Variants in ATP8B3 observed in about 807,000 individuals in gnomAD.
The protein encoded by ATP8B3 is ATPase phospholipid transporting 8B3.
A neutral mutation model predicts 140.9 loss-of-function variants in ATP8B3; 141 were observed. That is an observed-to-expected ratio of 1.00 (90% CI 0.87 to 1.15). The LOEUF is 1.15. Among genes scored for constraint, ATP8B3 ranks in the 50% most tolerant of loss-of-function variants. The pLI, the probability that ATP8B3 is intolerant of heterozygous loss-of-function variation, is 0.00. For missense variants in ATP8B3, 1,874 were observed against 1,740.6 expected (o/e 1.08, Z -1.36); for synonymous variants, 765 against 714.6 (o/e 1.07, Z -1.13).
chr19:1,792,430 A>G (rs561571140), intron 18 of ATP8B3, among the ~76,000 whole-genome samples: 1 of 151,146 alleles, frequency 6.6e-6, no homozygotes, highest in African/African-American at 2.4e-5. Context: ...AAATACAAAG[A>G]TTAGCCAGGC....
In ATP8B3 at chr19:1,809,618, G is replaced by A; in HGVS notation, c.402+25C>T. On this transcript the variant is annotated intron_variant, in intron 4 of 28. Transcript: ENST00000310127. ...GTACCACGGCAGCTCCTCTGGAGCAGGGAGGCGCGGGAGGGGCCGCCCACC... is the reference window on the plus strand; with the variant it reads ...GTACCACGGCAGCTCCTCTGGAGCAAGGAGGCGCGGGAGGGGCCGCCCACC... 2 of 1,575,192 alleles carry A rather than the reference G, an allele frequency of 1.3e-6. 1 individual carries two copies.
chr19:1,799,764 CA>C (rs752768896), intron 14 of ATP8B3, 182 bp downstream of exon 14: 79,343 of 458,930 alleles, frequency 0.17, no homozygotes, highest in South Asian at 0.26. Flanking sequence ...GACTCTGCCT[CA>C]AAAAAAAAAA....
At chr19:1,795,592 C>T (rs769499301) in intron 18 of ATP8B3, among the ~76,000 whole-genome samples, 1 of 151,914 alleles carries the variant, frequency 6.6e-6, no homozygotes. Flanking sequence ...AAGAAAAAGA[C>T]GCTCTCTCTC....
At chr19:1,803,376 C>A (rs1232170123) in intron 10 of ATP8B3, among the ~76,000 whole-genome samples, 3 of 152,190 alleles carry the variant, frequency 2.0e-5, no homozygotes, top group Admixed American at 2.0e-4. Context: ...GAATTGGAGA[C>A]GCTCATGGTG....
rs778518139 is a variant in ATP8B3 at position 1,785,307 on chromosome 19, C to G, written c.3394-10G>C. The G allele has an allele frequency of 3.2e-6, 5 of 1,583,582 alleles. No individual in the cohort carries two copies. The South Asian group carries it at 5.8e-5, about 18-fold the overall frequency. On this transcript the variant is annotated splice_polypyrimidine_tract_variant and intron_variant, in intron 26 of 28. Coordinates refer to ENST00000310127, the MANE Select transcript of ATP8B3 (RefSeq NM_138813.4). ...TGATGATAAGAATGACCTGGACAGG[C>G]AGCGGTGGGGTAAATCCGGGGCCTA...
chr19:1,790,971 A>G (rs905193923), intron 20 of ATP8B3, 139 bp from the exon 21 acceptor site: 4 of 723,042 alleles, frequency 5.5e-6, no homozygotes, highest in Admixed American at 5.3e-5. Flanking sequence ...TGATTGGTTC[A>G]GAGAAGGGCT....
At chr19:1,786,591 C>G (rs2068312156) in intron 25 of ATP8B3, among the ~76,000 whole-genome samples, 1 of 151,186 alleles carries the variant, frequency 6.6e-6, no homozygotes, top group Non-Finnish European at 1.5e-5. Flanking sequence ...AAGATTCTAG[C>G]AAACATGAAA....
In ATP8B3 at chr19:1,810,703, C is replaced by A; in HGVS notation, c.249-20G>T. 1 of 1,608,382 alleles carries A rather than the reference C, an allele frequency of 6.2e-7. No individual in the cohort carries two copies. The highest frequency in any genetic ancestry group is 2.2e-5 in the East Asian group (1 of 44,760). ...GTGGGGCTGTGGGAGAGAAGGGCCC[C>A]GGGTCACAGCAGTGACCCCAGCCCT... On this transcript the variant is annotated intron_variant, in intron 2 of 28. Coordinates refer to ENST00000310127, the MANE Select transcript of ATP8B3 (RefSeq NM_138813.4).
In ATP8B3 at chr19:1,808,427, C is replaced by T. The variant is rs559888897; in HGVS notation, c.403-92G>A. The T allele has an allele frequency of 4.2e-5, 36 of 854,050 alleles. No individual in the cohort carries two copies. The Middle Eastern group carries it at 1.5e-3, about 35-fold the overall frequency. The allele number at this position is 854,050 out of a possible 1,614,324, so 52.9% of individuals were successfully genotyped here. Reference sequence around the variant, plus strand: ...AGGCCAGACCTGCCTCACTTGGCCTCGCCCAGCATCCTCTGGGCTATGGGA... The same window carrying T: ...AGGCCAGACCTGCCTCACTTGGCCTTGCCCAGCATCCTCTGGGCTATGGGA... On this transcript the variant is annotated intron_variant, in intron 4 of 28. Transcript: ENST00000310127.
rs139063348 is a variant in ATP8B3, at chr19:1,807,112, A to AC, written c.615+55dup. 3,482 of 1,471,284 alleles carry AC rather than the reference A, an allele frequency of 2.4e-3. 62 individuals are homozygous for AC. In the African/African-American group the frequency reaches 0.044, roughly 19 times the overall value. 91.1% of individuals were successfully genotyped at this position (1,471,284 alleles called of 1,614,324 possible). A position where few individuals can be genotyped will look rare whatever the true frequency, so the allele number is the denominator to read the frequency against. ...CCCACTCTCGCCCAGGGATCAAGAGACCCCCCCGACCGGCCCCGCTCCCTC... is the reference window on the plus strand; with the variant it reads ...CCCACTCTCGCCCAGGGATCAAGAGACCCCCCCCGACCGGCCCCGCTCCCTC... On this transcript the variant is annotated intron_variant, in intron 6 of 28. Transcript: ENST00000310127. The surrounding 1 kb of genome is among the most constrained non-coding windows in gnomAD (Gnocchi z 5.9).
Position 1,795,970 on chromosome 19 carries a change from C to T in ATP8B3, c.1960G>A (p.Ala654Thr), listed in dbSNP as rs200693793. ...MSVLVRKPEGAICLYTKGADT... is the reference protein window; with the variant it reads ...MSVLVRKPEGTICLYTKGADT... Reference sequence around the variant, plus strand: ...GCGCCCTTGGTGTACAGGCAGATGGCGCCCTCTGGCTTTCGAACTGTGGGG... The same window carrying T: ...GCGCCCTTGGTGTACAGGCAGATGGTGCCCTCTGGCTTTCGAACTGTGGGG... The change falls in exon 18 of 29, where the codon GCC (alanine) becomes ACC (threonine). Residue 654 changes from alanine (A) to threonine (T), a missense_variant. Physicochemically the swap from Ala to Thr is moderately conservative, Grantham distance 58. This residue lies in a region of ATP8B3 where 1,032 missense variants were observed against 963.6 expected (regional missense o/e 1.07). Coordinates refer to ENST00000310127, the MANE Select transcript of ATP8B3 (RefSeq NM_138813.4). 129 of 1,613,114 alleles carry T rather than the reference C, an allele frequency of 8.0e-5. No homozygotes were observed. Among genetic ancestry groups the T allele is most frequent in the South Asian group, 3.5e-4 (32 of 91,092 alleles).
At position 1,789,943 on chromosome 19, in the gene ATP8B3, T is replaced by C. The variant is rs777157695; in HGVS notation, c.2425A>G (p.Arg809Gly). ...AGCTTGACCTGCGACAGGGACTCCCTGGTTAGAAGGTTGTTACTGTTTTCC... is the reference window on the plus strand; with the variant it reads ...AGCTTGACCTGCGACAGGGACTCCCCGGTTAGAAGGTTGTTACTGTTTTCC... ...YWENSNNLLT[R>G]ESLSQVKLAL... The change falls in exon 22 of 29, where the codon AGG (arginine) becomes GGG (glycine). Residue 809 changes from arginine to glycine, a missense_variant. Physicochemically the swap from Arg to Gly is moderately radical, Grantham distance 125. Transcript: ENST00000310127. The C allele has an allele frequency of 2.4e-5, 39 of 1,611,984 alleles. No individual in the cohort carries two copies. Among genetic ancestry groups the C allele is most frequent in the Non-Finnish European group, 3.2e-5 (38 of 1,179,560 alleles).
rs1358126602 is a variant in ATP8B3, at chr19:1,789,187, C to T, written c.2846-67G>A. The T allele has an allele frequency of 1.3e-5, 13 of 964,516 alleles. No homozygotes were observed. In the Admixed American group the frequency reaches 2.2e-4, roughly 16 times the overall value. 59.7% of individuals were successfully genotyped at this position (964,516 alleles called of 1,614,324 possible). A position where few individuals can be genotyped will look rare whatever the true frequency, so the allele number is the denominator to read the frequency against. ...AGTCCCGCCCGCCCCCCCAGACCCC[C>T]GCACTGTTCTGCCCCCTATCAGCCC... On this transcript the variant is annotated intron_variant, in intron 23 of 28. Transcript: ENST00000310127.
intron 18 of ATP8B3, among the ~76,000 whole-genome samples, chr19:1,792,496 C>G (rs1442281324): frequency 6.7e-6 from 1 of 149,532 alleles, no homozygotes; most frequent in African/African-American, 2.5e-5. Flanking sequence ...AGGAGAATTG[C>G]TTGAACTTGG....
intron 26 of ATP8B3, 53 bp downstream of exon 26, chr19:1,785,416 G>A: frequency 6.3e-7 from 1 of 1,588,234 alleles, no homozygotes; most frequent in Non-Finnish European, 8.6e-7. Context: ...CCCAGGGGAG[G>A]AGGCCTCCAT....
chr19:1,796,563 C>A, intron 16 of ATP8B3, 148 bp downstream of exon 16: 2 of 1,085,754 alleles, frequency 1.8e-6, no homozygotes, highest in South Asian at 1.6e-5. Context: ...CGGACGCCCT[C>A]GAGGTGCGGC....
intron 10 of ATP8B3, among the ~76,000 whole-genome samples, chr19:1,804,889 G>A (rs1049336992): frequency 4.6e-5 from 7 of 152,250 alleles, no homozygotes; most frequent in African/African-American, 1.7e-4. Flanking sequence ...CACAGGAATT[G>A]CCAGCCCATG....
At chr19:1,788,373 G>A (rs749927929) in intron 24 of ATP8B3, among the ~76,000 whole-genome samples, 10 of 152,136 alleles carry the variant, frequency 6.6e-5, no homozygotes, top group African/African-American at 9.7e-5. Context: ...TGAGTGTGCC[G>A]GGCACGGTGG....
At position 1,796,853 on chromosome 19, in the gene ATP8B3, G is replaced by T; in HGVS notation, c.1611C>A (p.Phe537Leu). ...TGTGGAAGAGCAGCTTCCCGTCGGC[G>T]AACTTGTTCCAGAGGTAGGGGTTCT... ...PKENPYLWNK[F>L]ADGKLLFHNA... is the part of the protein sequence containing the mutation. Residue 537 changes from phenylalanine (F) to leucine (L), a missense_variant, in exon 16 of 29, where the codon TTC becomes TTA. By Grantham distance (22) the Phe-to-Leu change is conservative. Transcript: ENST00000310127. The T allele has an allele frequency of 6.2e-7, 1 of 1,612,280 alleles. No homozygotes were observed. Among genetic ancestry groups the T allele is most frequent in the Non-Finnish European group, 8.5e-7 (1 of 1,179,410 alleles).
Sources: allele counts gnomAD v4.1 joint callset (sites outside exome capture counted in the v4.1 genomes callset), GRCh38; gene constraint gnomAD v4.1.1; regional missense constraint gnomAD v4.1.1; non-coding constraint Gnocchi (gnomAD v3.1); transcripts MANE v1.5; gene names NCBI Gene and HGNC (gene_info 2026-07-23, HGNC 2026-07-21).